CCDC91: variants seen among roughly 807,000 people sequenced by gnomAD.
CCDC91 encodes the protein coiled-coil domain containing 91.
In CCDC91, 48 loss-of-function variants were observed where a neutral mutation model predicts 63.2. The ratio of observed to expected loss-of-function variants is 0.76; its 90% CI spans 0.60 to 0.97. CCDC91 has a LOEUF of 0.97. Among genes scored for constraint, CCDC91 ranks in the 50% least tolerant of loss-of-function variants. The pLI is 0.00. For missense variants in CCDC91, 500 were observed against 494.6 expected, an observed-to-expected ratio of 1.01 and a Z score of -0.10; for synonymous variants, 167 against 165.8, an observed-to-expected ratio of 1.01 and a Z score of -0.06.
intron 8 of CCDC91, among the ~76,000 whole-genome samples, chr12:28,433,349 T>C (rs1009841185): frequency 6.6e-6 from 1 of 152,002 alleles, no homozygotes; most frequent in African/African-American, 2.4e-5. Flanking sequence ...TTTTATAGTT[T>C]TTTGTGTTTT....
intron 3 of CCDC91, among the ~76,000 whole-genome samples, chr12:28,296,261 G>A (rs1309747546): frequency 1.3e-5 from 2 of 151,484 alleles, no homozygotes; most frequent in Non-Finnish European, 3.0e-5. Flanking sequence ...CTCTTCCTCT[G>A]CATCTCTTTT....
chr12:28,336,839 C>T (rs1942019657), intron 6 of CCDC91, among the ~76,000 whole-genome samples: 1 of 152,004 alleles, frequency 6.6e-6, no homozygotes, highest in Admixed American at 6.6e-5. Context: ...CTAGAATGTC[C>T]TGTGAAAAAA....
chr12:28,192,011 TACA>T (rs1026498953), intron 1 of CCDC91, among the ~76,000 whole-genome samples: 1 of 152,212 alleles, frequency 6.6e-6, no homozygotes, highest in African/African-American at 2.4e-5. Context: ...TGATGAAAGT[TACA>T]ACTTACCTCT....
chr12:28,486,756 T>C (rs1235429256), intron 12 of CCDC91, among the ~76,000 whole-genome samples: 3 of 152,086 alleles, frequency 2.0e-5, no homozygotes, highest in African/African-American at 7.2e-5. Flanking sequence ...AGTATTCACT[T>C]GTATTAGTCA....
intron 1 of CCDC91, among the ~76,000 whole-genome samples, chr12:28,209,443 C>T (rs1202246829): frequency 2.0e-5 from 3 of 152,058 alleles, no homozygotes; most frequent in African/African-American, 7.2e-5. Flanking sequence ...ATTTCTTCTT[C>T]TTCTTCTTCT....
At chr12:28,386,614 G>A (rs11049568) in intron 7 of CCDC91, among the ~76,000 whole-genome samples, 6 of 151,958 alleles carry the variant, frequency 3.9e-5, no homozygotes, top group East Asian at 1.9e-4. Context: ...TGATCCGCCC[G>A]CCTCGGCCTC....
intron 8 of CCDC91, 70 bp from the exon 9 acceptor site, chr12:28,450,091 C>A: frequency 1.3e-6 from 1 of 797,644 alleles, no homozygotes; most frequent in Non-Finnish European, 2.0e-6. Context: ...ATGAATTCTA[C>A]CAGCTACTCT....
intron 6 of CCDC91, among the ~76,000 whole-genome samples, chr12:28,362,016 C>A (rs927703168): frequency 1.3e-5 from 2 of 152,202 alleles, no homozygotes. Flanking sequence ...TTCATCCTCT[C>A]CTGTCCTAGG....
chr12:28,203,919 A>C (rs542076544), intron 1 of CCDC91, among the ~76,000 whole-genome samples: 1 of 152,148 alleles, frequency 6.6e-6, no homozygotes, highest in African/African-American at 2.4e-5. Flanking sequence ...GCTATGCCTG[A>C]ACATATTACT....
chr12:28,518,417 ATTTG>A (rs1940199238), intron 12 of CCDC91, among the ~76,000 whole-genome samples: 1 of 149,406 alleles, frequency 6.7e-6, no homozygotes. Context: ...TTTGTTGGCC[ATTTG>A]TTTATGTTCT....
chr12:28,248,024 C>T (rs1428549154), intron 1 of CCDC91, among the ~76,000 whole-genome samples: 1 of 152,148 alleles, frequency 6.6e-6, no homozygotes, highest in African/African-American at 2.4e-5. Flanking sequence ...CAGCCTGGTT[C>T]CTAACAGGCC....
chr12:28,469,828 A>G (rs1345264395), intron 11 of CCDC91, among the ~76,000 whole-genome samples: 1 of 152,134 alleles, frequency 6.6e-6, no homozygotes, highest in Non-Finnish European at 1.5e-5. Context: ...CCAGGAACAT[A>G]TACTGAGGAA....
chr12:28,490,812 C>T (rs1179085018), intron 12 of CCDC91, among the ~76,000 whole-genome samples: 1 of 151,734 alleles, frequency 6.6e-6, no homozygotes, highest in Admixed American at 6.6e-5. Context: ...TATCAGTCTT[C>T]TTGATGGTCT....
At chr12:28,335,850 A>G (rs898289387) in intron 6 of CCDC91, among the ~76,000 whole-genome samples, 10 of 150,908 alleles carry the variant, frequency 6.6e-5, no homozygotes, top group Admixed American at 6.6e-4. Flanking sequence ...GTGTTACCAT[A>G]TGTTTGGTGG....
At chr12:28,238,083 A>G (rs895841695) in intron 1 of CCDC91, among the ~76,000 whole-genome samples, 10 of 152,310 alleles carry the variant, frequency 6.6e-5, no homozygotes, top group African/African-American at 2.2e-4. Context: ...TAAGTCTACA[A>G]CCTATAAAGA....
intron 3 of CCDC91, among the ~76,000 whole-genome samples, chr12:28,300,739 A>G (rs1203866868): frequency 6.6e-6 from 1 of 151,610 alleles, no homozygotes; most frequent in Non-Finnish European, 1.5e-5. Context: ...GTTCTATCCT[A>G]TTACAAGAGA....
intron 3 of CCDC91, 98 bp downstream of exon 3, chr12:28,259,540 C>T (rs1451960069): frequency 2.8e-6 from 2 of 720,096 alleles, no homozygotes; most frequent in Admixed American, 2.6e-5. Flanking sequence ...TTTTACTTGT[C>T]CTTCACTGAT....
rs530924893 is a variant in CCDC91 at position 28,339,799 on chromosome 12, A to G, written c.577-22639A>G. ...GAAGCAGTGCCCAACCACGGACTTG[A>G]GCTAGAATGCCCAGGTTTGAATCTC... On this transcript the variant is annotated intron_variant, in intron 6 of 12. Transcript: ENST00000536442. Among the ~76,000 whole-genome samples, 4 of 152,224 alleles carry G rather than the reference A, an allele frequency of 2.6e-5. No individual in the cohort carries two copies. The South Asian group carries it at 8.3e-4, about 32-fold the overall frequency.
intron 8 of CCDC91, among the ~76,000 whole-genome samples, chr12:28,411,526 CTTCT>C (rs1029315664): frequency 1.6e-4 from 24 of 152,112 alleles, no homozygotes; most frequent in Admixed American, 2.6e-4. Flanking sequence ...TAACTCTTGA[CTTCT>C]TTGTCATATT....
Sources: allele counts gnomAD v4.1 joint callset (sites outside exome capture counted in the v4.1 genomes callset), GRCh38; gene constraint gnomAD v4.1.1; transcripts MANE v1.5; gene names NCBI Gene and HGNC (gene_info 2026-07-23, HGNC 2026-07-21).